TP53BP1: variants seen among roughly 807,000 people sequenced by gnomAD.
The protein encoded by TP53BP1 is TP53-binding protein 1.
In TP53BP1, 61 loss-of-function variants were observed where a neutral mutation model predicts 200.8. The observed-to-expected ratio is 0.30, with a 90% CI of 0.25 to 0.38. The LOEUF (loss-of-function observed/expected upper bound fraction) is 0.38, where lower values mean the gene tolerates loss of function less well. Ranked by LOEUF, TP53BP1 falls within the 10% of genes least tolerant of loss-of-function variation. The pLI is 1.00. For synonymous variants in TP53BP1, 822 were observed against 844.3 expected, an observed-to-expected ratio of 0.97 and a Z score of 0.46; for missense variants, 2,144 against 2,371.9, an observed-to-expected ratio of 0.90 and a Z score of 2.00.
At chr15:43,492,895 A>ACCCCCTCCCCCTCCCCCCCCCCCCC in intron 1 of TP53BP1, 142 bp downstream of exon 1, 1 of 319,028 alleles carries the variant, frequency 3.1e-6, no homozygotes, top group Non-Finnish European at 5.5e-6. Context: ...ACGTTTCCCC[A>ACCCCCTCCCCCTCCCCCCCCCCCCC]CCCCCTCCTT....
rs560191 is a variant in TP53BP1, at chr15:43,475,576, G to T, written c.1074C>A (p.Asp358Glu). 3 of 1,613,010 alleles carry T rather than the reference G, an allele frequency of 1.9e-6. No individual in the cohort carries two copies. The African/African-American group carries it at 4.0e-5, about 22-fold the overall frequency. The change falls in exon 9 of 28, where the codon GAC becomes GAA. Residue 358 changes from aspartate (D) to glutamate (E), a missense_variant. By Grantham distance (45) the Asp-to-Glu change is conservative. This residue lies in a region of TP53BP1 where 1,700 missense variants were observed against 1,710.3 expected (regional missense o/e 0.99). Coordinates refer to ENST00000382044, the MANE Select transcript of TP53BP1 (RefSeq NM_001141980.3). ...QLSGQRSLVQ[D>E]SLSTNSSDLV... ...TTAGGCTTACTTACGTGGAAAGACT[G>T]TCCTGAACAAGGGACCTCTGACCAG...
intron 4 of TP53BP1, among the ~76,000 whole-genome samples, chr15:43,489,567 A>G: frequency 6.6e-6 from 1 of 152,238 alleles, no homozygotes; most frequent in Non-Finnish European, 1.5e-5. Context: ...TCAGTGTCCA[A>G]GTACAATAAT....
chr15:43,489,067 C>T (rs113557753), intron 4 of TP53BP1, among the ~76,000 whole-genome samples: 121 of 152,318 alleles, frequency 7.9e-4, no homozygotes, highest in African/African-American at 2.7e-3. Flanking sequence ...TCAACTATGC[C>T]TAACAAATTC....
chr15:43,420,162 G>A (rs2045361417), intron 21 of TP53BP1, 143 bp downstream of exon 21: 1 of 797,738 alleles, frequency 1.3e-6, no homozygotes, highest in Non-Finnish European at 2.0e-6. Context: ...AGTGGCAAGA[G>A]TAACCAATTT....
upstream of TP53BP1, among the ~76,000 whole-genome samples, chr15:43,493,518 T>G (rs552712483): frequency 1.3e-5 from 2 of 152,044 alleles, no homozygotes; most frequent in East Asian, 3.9e-4. Flanking sequence ...GGAGAGAGTT[T>G]CCCAGCTTTC....
upstream of TP53BP1, among the ~76,000 whole-genome samples, chr15:43,494,641 A>G (rs911707075): frequency 2.0e-5 from 3 of 152,182 alleles, no homozygotes; most frequent in Non-Finnish European, 2.9e-5. Flanking sequence ...ACCAGTGACT[A>G]AACAAATCTA....
At chr15:43,445,831 G>A (rs1030212824) in intron 14 of TP53BP1, among the ~76,000 whole-genome samples, 5 of 152,150 alleles carry the variant, frequency 3.3e-5, no homozygotes, top group African/African-American at 9.7e-5. Context: ...TACCAGGCAG[G>A]AGAACAGAAT....
At chr15:43,483,206 CAATT>C (rs1237604588) in intron 4 of TP53BP1, among the ~76,000 whole-genome samples, 2 of 147,874 alleles carry the variant, frequency 1.4e-5, no homozygotes, top group Non-Finnish European at 3.0e-5. Context: ...GCAACTTAAA[CAATT>C]AATCCTCCCC....
chr15:43,466,738 T>G (rs2046589108), intron 11 of TP53BP1, among the ~76,000 whole-genome samples: 1 of 152,100 alleles, frequency 6.6e-6, no homozygotes. Flanking sequence ...GTGCCACTAG[T>G]CCTAGCTACT....
At chr15:43,452,382 A>G (rs554994539) in intron 12 of TP53BP1, among the ~76,000 whole-genome samples, 1 of 152,194 alleles carries the variant, frequency 6.6e-6, no homozygotes, top group South Asian at 2.1e-4. Context: ...CCTGGGCAAC[A>G]TGGCAAAACC....
intron 11 of TP53BP1, among the ~76,000 whole-genome samples, chr15:43,466,165 C>G (rs902222401): frequency 6.6e-6 from 1 of 152,134 alleles, no homozygotes; most frequent in Non-Finnish European, 1.5e-5. Context: ...CAAGAGGTAT[C>G]CAACACAGAC....
chr15:43,432,714 A>G, intron 16 of TP53BP1, 37 bp from the exon 17 acceptor site: 1 of 1,570,554 alleles, frequency 6.4e-7, no homozygotes, highest in African/African-American at 1.4e-5. Context: ...ATGTCAATTA[A>G]GCAAGTGTAT....
At chr15:43,492,993 G>A (rs758385132) in intron 1 of TP53BP1, 44 bp downstream of exon 1, 1 of 1,589,352 alleles carries the variant, frequency 6.3e-7, no homozygotes, top group African/African-American at 1.4e-5. Flanking sequence ...CCGAAATCCA[G>A]GCCTTCAGAG....
chr15:43,509,360 C>CA (rs2079258172), intron 1 of TP53BP1, among the ~76,000 whole-genome samples: 1 of 152,160 alleles, frequency 6.6e-6, no homozygotes, highest in African/African-American at 2.4e-5. Context: ...AGTGGACTGG[C>CA]TGTTTTCCTG....
intron 23 of TP53BP1, among the ~76,000 whole-genome samples, chr15:43,414,712 CTTTT>C (rs199952419): frequency 6.9e-6 from 1 of 145,242 alleles, no homozygotes; most frequent in Admixed American, 6.9e-5. Flanking sequence ...TGAAATATGA[CTTTT>C]TTTTTTTTTG....
intron 5 of TP53BP1, 38 bp downstream of exon 5, chr15:43,480,857 T>C (rs764956408): frequency 5.0e-6 from 8 of 1,610,580 alleles, no homozygotes; most frequent in African/African-American, 2.7e-5. Flanking sequence ...AAAGGGAAGT[T>C]AGAACAGTCT....
intron 1 of TP53BP1, among the ~76,000 whole-genome samples, chr15:43,509,482 T>C (rs576091905): frequency 2.0e-5 from 3 of 152,284 alleles, no homozygotes; most frequent in Non-Finnish European, 4.4e-5. Context: ...AATCCTGGCT[T>C]ACTGCAACCT....
rs1210799364 is a variant in TP53BP1, at chr15:43,421,846, T to C, written c.4100+9A>G. ...TGTGGCTCTCTCTCTCTGGAGACCC[T>C]GTCTGCACCTCAGTTTTCCTGGGCC... is the stretch of plus-strand genomic sequence containing the variant. On this transcript the variant is annotated intron_variant, in intron 19 of 27. Coordinates refer to ENST00000382044, the MANE Select transcript of TP53BP1 (RefSeq NM_001141980.3). 1 of 1,614,128 alleles carries C rather than the reference T, an allele frequency of 6.2e-7. No individual in the cohort carries two copies. The highest frequency in any genetic ancestry group is 1.1e-5 in the South Asian group (1 of 91,068).
intron 15 of TP53BP1, 57 bp downstream of exon 15, chr15:43,441,469 T>C: frequency 2.7e-6 from 3 of 1,124,532 alleles, no homozygotes; most frequent in Admixed American, 1.7e-5. Flanking sequence ...ATAAACCATC[T>C]ACCCTCATCA....
Sources: allele counts gnomAD v4.1 joint callset (sites outside exome capture counted in the v4.1 genomes callset), GRCh38; gene constraint gnomAD v4.1.1; regional missense constraint gnomAD v4.1.1; transcripts MANE v1.5; gene names NCBI Gene and HGNC (gene_info 2026-07-23, HGNC 2026-07-21).